GNAS: variants seen among roughly 807,000 people sequenced by gnomAD.
GNAS encodes GNAS complex locus.
Under a neutral mutation model 54.5 loss-of-function variants are expected in GNAS, and 8 were observed. The observed-to-expected ratio is 0.15, with a 90% CI of 0.09 to 0.26. The LOEUF (loss-of-function observed/expected upper bound fraction) is 0.26, where lower values mean the gene tolerates loss of function less well. Ranked by LOEUF, GNAS falls within the 10% of genes least tolerant of loss-of-function variation. GNAS has a pLI of 1.00. For missense variants in GNAS, 170 were observed against 529.8 expected (o/e 0.32, Z 6.67); for synonymous variants, 204 against 191.4 (o/e 1.07, Z -0.54).
intron 1 of GNAS, among the ~76,000 whole-genome samples, chr20:58,852,157 C>T (rs1475383047): frequency 1.3e-5 from 2 of 152,026 alleles, no homozygotes; most frequent in East Asian, 1.9e-4. Flanking sequence ...TGGTGGTACG[C>T]ACCCGAGACC....
chr20:58,878,868 A>G (rs2088015075), intron 1 of GNAS, among the ~76,000 whole-genome samples: 1 of 144,922 alleles, frequency 6.9e-6, no homozygotes, highest in Non-Finnish European at 1.5e-5. Context: ...TTTATTTTAG[A>G]AAGAGTTTTA....
intron 3 of GNAS, among the ~76,000 whole-genome samples, chr20:58,902,120 ACT>A: frequency 1.3e-5 from 1 of 79,808 alleles, no homozygotes; most frequent in African/African-American, 5.0e-5. Flanking sequence ...TGCCTCGGTG[ACT>A]CCCCCCCTCT....
chr20:58,888,441 C>T (rs2088756635), upstream of GNAS: 1 of 152,248 alleles, frequency 6.6e-6, no homozygotes, highest in Non-Finnish European at 1.5e-5. Flanking sequence ...AACCCTGCTC[C>T]TAATCCCGTG....
rs1255350740 is a variant in GNAS, at chr20:58,878,888, C to T, written c.44-16724C>T. On this transcript the variant is annotated intron_variant, in intron 1 of 12. Transcript: ENST00000306090. Reference sequence around the variant, plus strand: ...TTTAGAAAGAGTTTTAATGCAGAGGCAGCGGTGGTGGTGGGGGTGCGGGTG... The same window carrying T: ...TTTAGAAAGAGTTTTAATGCAGAGGTAGCGGTGGTGGTGGGGGTGCGGGTG... 1.7e-4 allele frequency among the ~76,000 whole-genome samples: 13 copies of T among 77,388 alleles called. No homozygotes were observed. The South Asian group carries it at 7.0e-3, about 42-fold the overall frequency. The allele number at this position is 77,388 out of a possible 152,430, so 50.8% of individuals were successfully genotyped here.
At chr20:58,891,886 C>A in intron 1 of GNAS, 21 bp downstream of exon 1, 1 of 1,117,624 alleles carries the variant, frequency 8.9e-7, no homozygotes. Flanking sequence ...GCGGGGGGCG[C>A]CGGCCCCGGC....
At chr20:58,901,294 T>C (rs561677509) in intron 3 of GNAS, among the ~76,000 whole-genome samples, 8 of 152,278 alleles carry the variant, frequency 5.3e-5, no homozygotes, top group Admixed American at 3.9e-4. Flanking sequence ...TAGACTGTAA[T>C]ACCAAGGCCG....
Position 58,841,940 on chromosome 20 carries a change from T to G in GNAS, c.43+1054T>G. The G allele has an allele frequency of 8.4e-7, 1 of 1,192,534 alleles. No individual in the cohort carries two copies. 73.9% of individuals were successfully genotyped at this position (1,192,534 alleles called of 1,614,324 possible). ...GTCTAACATCAGGATAACTTACAAT[T>G]CGTTTCCAAAGAGCGCGGTACGCGC... On this transcript the variant is annotated intron_variant, in intron 1 of 12. Transcript: ENST00000306090. The surrounding 1 kb of genome is among the most constrained non-coding windows in gnomAD (Gnocchi z 5.0).
Position 58,853,981 on chromosome 20 carries a change from C to A in GNAS, c.43+13095C>A. Reference sequence around the variant, plus strand: ...GAAGGATTTGGGGACGACAGCCCACCCCCGGGGCTTTCCCGAGTTATCGCA... The same window carrying A: ...GAAGGATTTGGGGACGACAGCCCACACCCGGGGCTTTCCCGAGTTATCGCA... On this transcript the variant is annotated intron_variant, in intron 1 of 12. Coordinates refer to the GNAS transcript ENST00000306090. This position sits in a 1 kb window ranked among gnomAD's most constrained non-coding sequence, Gnocchi z 4.4. 2 of 1,612,164 alleles carry A rather than the reference C, an allele frequency of 1.2e-6. No homozygotes were observed. Among genetic ancestry groups the A allele is most frequent in the Non-Finnish European group, 1.7e-6 (2 of 1,179,754 alleles).
At chr20:58,840,752 C>A (rs1366179134), upstream of GNAS, 4 of 1,605,874 alleles carry the variant, frequency 2.5e-6, no homozygotes, top group Non-Finnish European at 3.4e-6. This position sits in a 1 kb window ranked among gnomAD's most constrained non-coding sequence, Gnocchi z 6.0. Flanking sequence ...GGAGAAGCAG[C>A]GGCGTCGCTG....
upstream of GNAS, chr20:58,889,374 G>C (rs1468874926): frequency 1.0e-6 from 1 of 983,742 alleles, no homozygotes; most frequent in African/African-American, 1.8e-5. Context: ...GAGCGCCGGG[G>C]CCTCCCGCGG....
At chr20:58,897,470 T>C (rs1381937761) in intron 2 of GNAS, 2 of 152,354 alleles carry the variant, frequency 1.3e-5, no homozygotes, top group Admixed American at 1.3e-4. Context: ...CTAGCATTTT[T>C]CAAAGATGCA....
intron 6 of GNAS, among the ~76,000 whole-genome samples, chr20:58,907,077 G>A (rs1351801615): frequency 6.6e-6 from 1 of 152,180 alleles, no homozygotes; most frequent in East Asian, 1.9e-4. Context: ...TTACTTAGTA[G>A]CCTCAAGCCC....
At position 58,876,705 on chromosome 20, in the gene GNAS, C is replaced by T. The variant is rs968288499; in HGVS notation, c.44-18907C>T. The T allele has an allele frequency of 3.9e-5, 6 of 152,174 alleles. No individual in the cohort carries two copies. In the South Asian group the frequency reaches 1.2e-3, roughly 31 times the overall value. The allele number at this position is 152,174 out of a possible 1,614,324, so 9.4% of individuals were successfully genotyped here. On this transcript the variant is annotated intron_variant, in intron 1 of 12. Coordinates refer to the GNAS transcript ENST00000306090. ...GAGAGGCGTTTGGATTTTACCCTCC[C>T]AGATGCAGAACCTCTGTACTTCTAA...
chr20:58,851,599 A>C (rs2086178048), intron 1 of GNAS, among the ~76,000 whole-genome samples: 1 of 152,146 alleles, frequency 6.6e-6, no homozygotes, highest in Admixed American at 6.5e-5. Context: ...CAGACCCCAG[A>C]CCAGAGCATA....
At chr20:58,892,866 A>G in intron 1 of GNAS, among the ~76,000 whole-genome samples, 1 of 148,864 alleles carries the variant, frequency 6.7e-6, no homozygotes, top group African/African-American at 2.5e-5. Flanking sequence ...TAATTGTAGC[A>G]GCTGCCCCCC....
At position 58,856,578 on chromosome 20, in the gene GNAS, A is replaced by G. The variant is rs2086523762; in HGVS notation, c.43+15692A>G. On this transcript the variant is annotated intron_variant, in intron 1 of 12. Transcript: ENST00000306090. This position sits in a 1 kb window ranked among gnomAD's most constrained non-coding sequence, Gnocchi z 4.2. Reference sequence around the variant, plus strand: ...GAGTGTATTTGAAGTGTGTGGACAAAGTATGGCAAAACCGTGAATATGACT... The same window carrying G: ...GAGTGTATTTGAAGTGTGTGGACAAGGTATGGCAAAACCGTGAATATGACT... 6.6e-6 allele frequency: 1 copy of G among 152,446 alleles called. No homozygotes were observed. Among genetic ancestry groups the G allele is most frequent in the Non-Finnish European group, 1.5e-5 (1 of 68,042 alleles). 9.4% of individuals were successfully genotyped at this position (152,446 alleles called of 1,614,324 possible). A position where few individuals can be genotyped will look rare whatever the true frequency, so the allele number is the denominator to read the frequency against.
At chr20:58,846,393 G>A (rs2085941560) in intron 1 of GNAS, among the ~76,000 whole-genome samples, 1 of 152,152 alleles carries the variant, frequency 6.6e-6, no homozygotes, top group Admixed American at 6.6e-5. Flanking sequence ...TACCAATGAG[G>A]CTCACAGATT....
chr20:58,904,069 C>T (rs2090875123), intron 5 of GNAS, among the ~76,000 whole-genome samples: 1 of 152,188 alleles, frequency 6.6e-6, no homozygotes, highest in Non-Finnish European at 1.5e-5. Context: ...ATAAACATCA[C>T]TCTTGAATAC....
intron 1 of GNAS, among the ~76,000 whole-genome samples, chr20:58,850,045 T>G (rs907768194): frequency 3.3e-5 from 5 of 152,046 alleles, no homozygotes; most frequent in Admixed American, 6.5e-5. Context: ...CCAGCCAAGG[T>G]GGCCAGTTGT....
Sources: allele counts gnomAD v4.1 joint callset (sites outside exome capture counted in the v4.1 genomes callset), GRCh38; gene constraint gnomAD v4.1.1; non-coding constraint Gnocchi (gnomAD v3.1); transcripts MANE v1.5; gene names NCBI Gene and HGNC (gene_info 2026-07-23, HGNC 2026-07-21).